Variants in CKAP4 observed in about 807,000 individuals in gnomAD.
CKAP4 encodes cytoskeleton associated protein 4.
CKAP4 carries 20 observed loss-of-function variants against 24.4 expected under a neutral mutation model. The ratio of observed to expected loss-of-function variants is 0.82; its 90% CI spans 0.58 to 1.19. The LOEUF (loss-of-function observed/expected upper bound fraction) is 1.19. CKAP4 is among the 50% of genes most tolerant of loss of function. The pLI is 0.00. For missense variants in CKAP4, 744 were observed against 765.3 expected (o/e 0.97, Z 0.33); for synonymous variants, 378 against 351.7 (o/e 1.07, Z -0.84).
chr12:106,247,287 C>T lies in CKAP4; in HGVS notation c.483+82G>A. ...GGCCTGGGCAGGCAGCGCTAGGGGC[C>T]GGTCGGGAAGCACGAAGGAGCCCGG... On this transcript the variant is annotated intron_variant, in intron 1 of 1. Coordinates refer to ENST00000378026, the MANE Select transcript of CKAP4 (RefSeq NM_006825.4). The surrounding 1 kb of genome is among the most constrained non-coding windows in gnomAD (Gnocchi z 4.5). The T allele has an allele frequency of 7.8e-7, 1 of 1,288,574 alleles. No homozygotes were observed. The highest frequency in any genetic ancestry group is 2.9e-5 in the East Asian group (1 of 34,044). 79.8% of individuals were successfully genotyped at this position (1,288,574 alleles called of 1,614,324 possible).
Position 106,247,824 on chromosome 12 carries a change from T to A in CKAP4, c.28A>T (p.Lys10Ter). MPSAKQRGS[K>*]GGHGAASPSE... ...GGGCTCGCGGCGCCGTGGCCGCCCT[T>A]GGAGCCCCTTTGTTTGGCCGAGGGC... Residue 10 changes from lysine to a stop codon, truncating the protein, a stop_gained, in exon 1 of 2, where the codon AAG (lysine) becomes TAG (stop). Transcript: ENST00000378026. LOFTEE classifies it high-confidence loss of function. This position sits in a 1 kb window ranked among gnomAD's most constrained non-coding sequence, Gnocchi z 4.5. 9.5e-7 allele frequency: 1 copy of A among 1,047,562 alleles called. No homozygotes were observed. Among genetic ancestry groups the A allele is most frequent in the Non-Finnish European group, 1.1e-6 (1 of 874,222 alleles). The allele number at this position is 1,047,562 out of a possible 1,614,324, so 64.9% of individuals were successfully genotyped here. A position where few individuals can be genotyped will look rare whatever the true frequency, so the allele number is the denominator to read the frequency against.
At position 106,247,335 on chromosome 12, in the gene CKAP4, C is replaced by G; in HGVS notation, c.483+34G>C. The G allele has an allele frequency of 6.6e-7, 1 of 1,505,100 alleles. No homozygotes were observed. Among genetic ancestry groups the G allele is most frequent in the Middle Eastern group, 1.9e-4 (1 of 5,158 alleles). 93.2% of individuals were successfully genotyped at this position (1,505,100 alleles called of 1,614,324 possible). A position where few individuals can be genotyped will look rare whatever the true frequency, so the allele number is the denominator to read the frequency against. On this transcript the variant is annotated intron_variant, in intron 1 of 1. Transcript: ENST00000378026. The surrounding 1 kb of genome is among the most constrained non-coding windows in gnomAD (Gnocchi z 4.5). ...CGGCCGTGGGTCCGGAGGCCGCAGT[C>G]GATGGGGACAGTTGCGGGGCCGGGG... is the stretch of plus-strand genomic sequence containing the variant.
chr12:106,246,434 C>T (rs1339073831), intron 1 of CKAP4, among the ~76,000 whole-genome samples: 1 of 152,036 alleles, frequency 6.6e-6, no homozygotes, highest in Non-Finnish European at 1.5e-5. Context: ...TATTTTTGGC[C>T]CTCCTCTTCC....
At position 106,247,595 on chromosome 12, in the gene CKAP4, G is replaced by T; in HGVS notation, c.257C>A (p.Ser86Tyr). 1.4e-6 allele frequency: 2 copies of T among 1,399,014 alleles called. No individual in the cohort carries two copies. Among genetic ancestry groups the T allele is most frequent in the Non-Finnish European group, 9.3e-7 (1 of 1,076,302 alleles). The allele number at this position is 1,399,014 out of a possible 1,614,324, so 86.7% of individuals were successfully genotyped here. A position where few individuals can be genotyped will look rare whatever the true frequency, so the allele number is the denominator to read the frequency against. ...GGCGGCGGCGGCGGCAGCGGCGGCG[G>T]AGGCGGAGGAGGAGGAGGAGGACTT... is the stretch of plus-strand genomic sequence containing the variant. ...GGKSSSSSSA[S>Y]AAAAAAAASS... is the part of the protein sequence containing the mutation. The change falls in exon 1 of 2, where the codon TCC (serine) becomes TAC (tyrosine). Residue 86 changes from serine (S) to tyrosine (Y), a missense_variant. Physicochemically the swap from Ser to Tyr is moderately radical, Grantham distance 144. Around this residue, in one of 3 missense-constraint regions of CKAP4, gnomAD observed 300 missense variants for 264.5 expected, o/e 1.13. Coordinates refer to ENST00000378026, the MANE Select transcript of CKAP4 (RefSeq NM_006825.4). The surrounding 1 kb of genome is among the most constrained non-coding windows in gnomAD (Gnocchi z 4.5).
Position 106,240,290 on chromosome 12 carries a change from A to G in CKAP4, c.543T>C (p.His181=). The change falls in exon 2 of 2, where the codon CAT becomes CAC. Residue 181 remains histidine, a synonymous_variant. Transcript: ENST00000378026. ...CAGCTTTCTCTGTGAGGTCTTGTTTATGTTGGGAGCTTCTCAAGATGGACT... is the reference window on the plus strand; with the variant it reads ...CAGCTTTCTCTGTGAGGTCTTGTTTGTGTTGGGAGCTTCTCAAGATGGACT... The part of the protein sequence containing the change: ...TFESILRSSQ[H]KQDLTEKAVK... 1 of 1,614,160 alleles carries G rather than the reference A, an allele frequency of 6.2e-7. No homozygotes were observed. The highest frequency in any genetic ancestry group is 8.5e-7 in the Non-Finnish European group (1 of 1,180,008).
intron 1 of CKAP4, among the ~76,000 whole-genome samples, chr12:106,245,095 T>A (rs1256595659): frequency 1.3e-5 from 2 of 152,170 alleles, no homozygotes; most frequent in Non-Finnish European, 2.9e-5. Context: ...ACTCTGCCAT[T>A]GGCAGGGTAG....
chr12:106,243,657 C>G (rs1034322216), intron 1 of CKAP4, among the ~76,000 whole-genome samples: 19 of 152,358 alleles, frequency 1.2e-4, no homozygotes, highest in African/African-American at 4.3e-4. Flanking sequence ...CTTGTGCCTG[C>G]TGAATCCTCT....
At chr12:106,246,038 G>A (rs866673337) in intron 1 of CKAP4, among the ~76,000 whole-genome samples, 1 of 152,186 alleles carries the variant, frequency 6.6e-6, no homozygotes, top group South Asian at 2.1e-4. Flanking sequence ...TTTCAGTCTT[G>A]CAACCAACTT....
chr12:106,243,986 T>C (rs1005755945), intron 1 of CKAP4, among the ~76,000 whole-genome samples: 4 of 152,190 alleles, frequency 2.6e-5, no homozygotes, highest in Non-Finnish European at 5.9e-5. Flanking sequence ...TTCCCTGCTA[T>C]GAACCAAACT....
Position 106,238,995 on chromosome 12 carries a change from T to C in CKAP4, c.*29A>G. On this transcript the variant is annotated 3_prime_UTR_variant, in exon 2 of 2. Transcript: ENST00000378026. ...TTTTTGGTCATGAGAAATTGGACTT[T>C]AAATCCGCGCCCTGCACACGCAATT... 1 of 1,596,416 alleles carries C rather than the reference T, an allele frequency of 6.3e-7. No homozygotes were observed. Among genetic ancestry groups the C allele is most frequent in the Non-Finnish European group, 8.6e-7 (1 of 1,167,852 alleles).
chr12:106,247,592 G>A lies in CKAP4; in HGVS notation c.260C>T (p.Ala87Val), dbSNP rs2034024867. The A allele has an allele frequency of 1.9e-5, 27 of 1,406,002 alleles. No individual in the cohort carries two copies. The highest frequency in any genetic ancestry group is 2.4e-5 in the Non-Finnish European group (26 of 1,080,450). 87.1% of individuals were successfully genotyped at this position (1,406,002 alleles called of 1,614,324 possible). The change falls in exon 1 of 2, where the codon GCC (alanine) becomes GTC (valine). Residue 87 changes from alanine (A) to valine (V), a missense_variant. Ala to Val is a moderately conservative substitution (Grantham distance 64, BLOSUM62 0). Around this residue, in one of 3 missense-constraint regions of CKAP4, gnomAD observed 300 missense variants for 264.5 expected, o/e 1.13. Transcript: ENST00000378026. This position sits in a 1 kb window ranked among gnomAD's most constrained non-coding sequence, Gnocchi z 4.5. ...CGAGGCGGCGGCGGCGGCAGCGGCG[G>A]CGGAGGCGGAGGAGGAGGAGGAGGA... ...GKSSSSSSAS[A>V]AAAAAAASSS...
At chr12:106,245,877 G>T (rs1038229070) in intron 1 of CKAP4, among the ~76,000 whole-genome samples, 1 of 151,942 alleles carries the variant, frequency 6.6e-6, no homozygotes, top group African/African-American at 2.4e-5. Flanking sequence ...TTACAGGCGT[G>T]AGCCACCACG....
In CKAP4 at chr12:106,239,893, G is replaced by T. The variant is rs757898039; in HGVS notation, c.940C>A (p.Leu314Ile). The change falls in exon 2 of 2, where the codon CTT becomes ATT. Residue 314 changes from leucine (L) to isoleucine (I), a missense_variant. Physicochemically the swap from Leu to Ile is conservative, Grantham distance 5. Transcript: ENST00000378026. The surrounding 1 kb of genome is among the most constrained non-coding windows in gnomAD (Gnocchi z 4.9). ...TAGATGTCAGACTCCATAGTCTGAAGGGTACTTCTCAGGGCCTCCATGTCC... is the reference window on the plus strand; with the variant it reads ...TAGATGTCAGACTCCATAGTCTGAATGGTACTTCTCAGGGCCTCCATGTCC... ...EWDMEALRSTLQTMESDIYTE... is the reference protein window; with the variant it reads ...EWDMEALRSTIQTMESDIYTE... 6.2e-7 allele frequency: 1 copy of T among 1,612,836 alleles called. No homozygotes were observed. The highest frequency in any genetic ancestry group is 8.5e-7 in the Non-Finnish European group (1 of 1,179,630).
chr12:106,245,516 T>G (rs1171069216), intron 1 of CKAP4: 1 of 151,918 alleles, frequency 6.6e-6, no homozygotes, highest in African/African-American at 2.4e-5. Context: ...GCCTACTTAA[T>G]TCCCTTAGAA....
rs2136533127 is a variant in CKAP4 at position 106,238,726 on chromosome 12, T to C, written c.*298A>G. ...GATTTCTGAGGTTAATCTGCTTCTG[T>C]TAATCCTCAATTTAAGCCTTTATCA... On this transcript the variant is annotated 3_prime_UTR_variant, in exon 2 of 2. Coordinates refer to ENST00000378026, the MANE Select transcript of CKAP4 (RefSeq NM_006825.4). The C allele has an allele frequency of 3.7e-6, 1 of 272,176 alleles. No individual in the cohort carries two copies. Among genetic ancestry groups the C allele is most frequent in the South Asian group, 1.1e-4 (1 of 9,442 alleles). 16.9% of individuals were successfully genotyped at this position (272,176 alleles called of 1,614,324 possible).
chr12:106,240,242 G>A lies in CKAP4; in HGVS notation c.591C>T (p.Val197=), dbSNP rs761587038. 13 of 1,614,054 alleles carry A rather than the reference G, an allele frequency of 8.1e-6. No homozygotes were observed. In the South Asian group the frequency reaches 1.4e-4, roughly 18 times the overall value. ...EKAVKQGESE[V]SRISEVLQKL... is the part of the protein sequence containing the mutation. ...TCTGCAGCACTTCGCTGATCCGGCT[G>A]ACCTCACTCTCCCCTTGCTTCACAG... Residue 197 remains valine (V), a synonymous_variant, in exon 2 of 2, where the codon GTC becomes GTT. Transcript: ENST00000378026.
chr12:106,239,612 C>T lies in CKAP4; in HGVS notation c.1221G>A (p.Gln407=), dbSNP rs1369779164. The change falls in exon 2 of 2, where the codon CAG becomes CAA. Residue 407 remains glutamine, a synonymous_variant. Transcript: ENST00000378026. This position sits in a 1 kb window ranked among gnomAD's most constrained non-coding sequence, Gnocchi z 4.9. ...EAFEALQQKS[Q]GLDSRLQHVE... Reference sequence around the variant, plus strand: ...CGTGCTGGAGCCTGGAGTCCAGTCCCTGACTCTTTTGCTGGAGTGCCTCAA... The same window carrying T: ...CGTGCTGGAGCCTGGAGTCCAGTCCTTGACTCTTTTGCTGGAGTGCCTCAA... 29 of 1,614,074 alleles carry T rather than the reference C, an allele frequency of 1.8e-5. No homozygotes were observed. Among genetic ancestry groups the T allele is most frequent in the Non-Finnish European group, 2.4e-5 (28 of 1,180,054 alleles).
rs2033934950 is a variant in CKAP4 at position 106,238,736 on chromosome 12, A to G, written c.*288T>C. The G allele has an allele frequency of 6.2e-6, 2 of 322,822 alleles. No homozygotes were observed. The highest frequency in any genetic ancestry group is 6.6e-5 in the South Asian group (1 of 15,166). The allele number at this position is 322,822 out of a possible 1,614,324, so 20.0% of individuals were successfully genotyped here. On this transcript the variant is annotated 3_prime_UTR_variant, in exon 2 of 2. Transcript: ENST00000378026. Reference sequence around the variant, plus strand: ...GTTAATCTGCTTCTGTTAATCCTCAATTTAAGCCTTTATCATTTTTCTCTG... The same window carrying G: ...GTTAATCTGCTTCTGTTAATCCTCAGTTTAAGCCTTTATCATTTTTCTCTG...
Position 106,247,356 on chromosome 12 carries a change from C to CG in CKAP4, c.483+12dup. On this transcript the variant is annotated intron_variant, in intron 1 of 1. Transcript: ENST00000378026. This position sits in a 1 kb window ranked among gnomAD's most constrained non-coding sequence, Gnocchi z 4.5. Reference sequence around the variant, plus strand: ...CAGTCGATGGGGACAGTTGCGGGGCCGGGGGTACCCACCTTCTGCTCGACG... The same window carrying CG: ...CAGTCGATGGGGACAGTTGCGGGGCCGGGGGGTACCCACCTTCTGCTCGACG... 2.0e-6 allele frequency: 3 copies of CG among 1,519,118 alleles called. No individual in the cohort carries two copies. In the South Asian group the frequency reaches 3.6e-5, roughly 18 times the overall value. The allele number at this position is 1,519,118 out of a possible 1,614,324, so 94.1% of individuals were successfully genotyped here. A position where few individuals can be genotyped will look rare whatever the true frequency, so the allele number is the denominator to read the frequency against.
Sources: gnomAD v4.1 joint callset for allele counts (sites outside exome capture counted in the v4.1 genomes callset) on GRCh38, gnomAD v4.1.1 for gene constraint, gnomAD v4.1.1 regional missense constraint, Gnocchi (gnomAD v3.1) non-coding constraint, MANE v1.5 for transcripts, NCBI Gene and HGNC (gene_info 2026-07-23, HGNC 2026-07-21) for gene names.